The following LPAR2 variants were observed in gnomAD, a reference collection of about 807,000 sequenced individuals.
The protein encoded by LPAR2 is lysophosphatidic acid receptor 2.
In LPAR2, 10 loss-of-function variants were observed where a neutral mutation model predicts 15.6. That is an observed-to-expected ratio of 0.64 (90% CI 0.39 to 1.09). The LOEUF (loss-of-function observed/expected upper bound fraction) is 1.09, where lower values mean the gene tolerates loss of function less well. Ranked by LOEUF, LPAR2 falls within the 50% of genes least tolerant of loss-of-function variation. LPAR2 has a pLI of 0.01. For missense variants in LPAR2, 413 were observed against 484.6 expected (o/e 0.85, Z 1.39); for synonymous variants, 204 against 207.4 (o/e 0.98, Z 0.14).
Position 19,626,621 on chromosome 19 carries a change from T to A in LPAR2, c.664A>T (p.Met222Leu), listed in dbSNP as rs2061741217. 1 of 1,613,286 alleles carries A rather than the reference T, an allele frequency of 6.2e-7. No individual in the cohort carries two copies. Among genetic ancestry groups the A allele is most frequent in the African/African-American group, 1.3e-5 (1 of 75,040 alleles). Residue 222 changes from methionine (M) to leucine (L), a missense_variant, in exon 2 of 3, where the codon ATG becomes TTG. By Grantham distance (15) the Met-to-Leu change is conservative (BLOSUM62 2). Coordinates refer to ENST00000407877, the MANE Select transcript of LPAR2 (RefSeq NM_004720.7). The surrounding 1 kb of genome is among the most constrained non-coding windows in gnomAD (Gnocchi z 5.3). Reference sequence around the variant, plus strand: ...GGGTGGCAGCTGACATGCTCTGCCATGCGCTGCACTCGCCGCCGCACGTAG... The same window carrying A: ...GGGTGGCAGCTGACATGCTCTGCCAAGCGCTGCACTCGCCGCCGCACGTAG...
chr19:19,627,449 T>C lies in LPAR2; in HGVS notation c.1-165A>G. On this transcript the variant is annotated intron_variant, in intron 1 of 2. Transcript: ENST00000407877. The surrounding 1 kb of genome is among the most constrained non-coding windows in gnomAD (Gnocchi z 4.7). ...CTACGGTGGCCTGGAAAAAGCAAGC[T>C]CCATGGGGCTGGGGTGGAGGTGGAG... 1 of 651,154 alleles carries C rather than the reference T, an allele frequency of 1.5e-6. No homozygotes were observed. The highest frequency in any genetic ancestry group is 2.6e-5 in the East Asian group (1 of 38,264). 40.3% of individuals were successfully genotyped at this position (651,154 alleles called of 1,614,324 possible).
rs757361294 is a variant in LPAR2, at chr19:19,627,402, A to G, written c.1-118T>C. 4.0e-5 allele frequency: 42 copies of G among 1,058,270 alleles called. No homozygotes were observed. Among genetic ancestry groups the G allele is most frequent in the Non-Finnish European group, 5.6e-5 (41 of 726,804 alleles). 65.6% of individuals were successfully genotyped at this position (1,058,270 alleles called of 1,614,324 possible). On this transcript the variant is annotated intron_variant, in intron 1 of 2. Coordinates refer to ENST00000407877, the MANE Select transcript of LPAR2 (RefSeq NM_004720.7). This position sits in a 1 kb window ranked among gnomAD's most constrained non-coding sequence, Gnocchi z 4.7. ...AGGGTCTCAAATTCAGATACCTCGA[A>G]GCAAAGTGGCAGTGGTGAGGACTAC...
chr19:19,624,177 G>A lies in LPAR2; in HGVS notation c.*79C>T. The A allele has an allele frequency of 2.1e-6, 3 of 1,411,688 alleles. No homozygotes were observed. Among genetic ancestry groups the A allele is most frequent in the Non-Finnish European group, 2.9e-6 (3 of 1,026,800 alleles). 87.4% of individuals were successfully genotyped at this position (1,411,688 alleles called of 1,614,324 possible). A position where few individuals can be genotyped will look rare whatever the true frequency, so the allele number is the denominator to read the frequency against. ...TGCCAGTCAGTCAGTCCTGTTGGTT[G>A]GGTTGAGCCAGGAGCACCCACAAGT... On this transcript the variant is annotated 3_prime_UTR_variant, in exon 3 of 3. Transcript: ENST00000407877.
chr19:19,626,498 TA>T lies in LPAR2; in HGVS notation c.742+44del, dbSNP rs771314858. ...TTGCTTCGCAGTGTCTTGTGGGAGA[TA>T]GGGGGAAGCAGGGTCCCTGTTGCCC... is the stretch of plus-strand genomic sequence containing the variant. On this transcript the variant is annotated intron_variant, in intron 2 of 2. Transcript: ENST00000407877. This position sits in a 1 kb window ranked among gnomAD's most constrained non-coding sequence, Gnocchi z 5.3. The T allele has an allele frequency of 3.6e-4, 555 of 1,544,990 alleles. No individual in the cohort carries two copies. Among genetic ancestry groups the T allele is most frequent in the Non-Finnish European group, 4.3e-4 (496 of 1,146,202 alleles).
rs766490107 is a variant in LPAR2, at chr19:19,627,027, G to C, written c.258C>G (p.Leu86=). 6.2e-7 allele frequency: 1 copy of C among 1,613,884 alleles called. No homozygotes were observed. The highest frequency in any genetic ancestry group is 1.7e-5 in the Admixed American group (1 of 60,026). The change falls in exon 2 of 3, where the codon CTC becomes CTG. Residue 86 remains leucine (L), a synonymous_variant. Coordinates refer to ENST00000407877, the MANE Select transcript of LPAR2 (RefSeq NM_004720.7). The surrounding 1 kb of genome is among the most constrained non-coding windows in gnomAD (Gnocchi z 4.7). ...GGGGACCAGTGTGGAACATGAGGAAGAGGTAGGCCACGCCCGCGAAGAGGT... is the reference window on the plus strand; with the variant it reads ...GGGGACCAGTGTGGAACATGAGGAACAGGTAGGCCACGCCCGCGAAGAGGT...
rs371867131 is a variant in LPAR2 at position 19,624,420 on chromosome 19, G to A, written c.892C>T (p.Arg298Ter). ...AAGGTGCGGCGCATCTCAGCATCTCGGCAAGAGTACACAGCAGCATTGACC... is the reference window on the plus strand; with the variant it reads ...AAGGTGCGGCGCATCTCAGCATCTCAGCAAGAGTACACAGCAGCATTGACC... The change falls in exon 3 of 3, where the codon CGA becomes TGA. Residue 298 changes from arginine (R) to a stop codon, truncating the protein, a stop_gained. Transcript: ENST00000407877. LOFTEE classifies it low-confidence loss of function (END_TRUNC). 7.4e-6 allele frequency: 12 copies of A among 1,614,034 alleles called. No homozygotes were observed. Among genetic ancestry groups the A allele is most frequent in the Non-Finnish European group, 1.0e-5 (12 of 1,180,042 alleles).
At position 19,626,490 on chromosome 19, in the gene LPAR2, G is replaced by C; in HGVS notation, c.742+53C>G. ...TTTGTTCATTGCTTCGCAGTGTCTTGTGGGAGATAGGGGGAAGCAGGGTCC... is the reference window on the plus strand; with the variant it reads ...TTTGTTCATTGCTTCGCAGTGTCTTCTGGGAGATAGGGGGAAGCAGGGTCC... On this transcript the variant is annotated intron_variant, in intron 2 of 2. Transcript: ENST00000407877. This position sits in a 1 kb window ranked among gnomAD's most constrained non-coding sequence, Gnocchi z 5.3. The C allele has an allele frequency of 6.5e-7, 1 of 1,539,340 alleles. No individual in the cohort carries two copies. The highest frequency in any genetic ancestry group is 8.7e-7 in the Non-Finnish European group (1 of 1,143,590).
Position 19,627,536 on chromosome 19 carries a change from T to G in LPAR2, c.1-252A>C. ...GCAAGACATCACCCAAGTCAATAGG[T>G]TTTTGAACCAGAAGTGAAACAAAAC... On this transcript the variant is annotated intron_variant, in intron 1 of 2. Transcript: ENST00000407877. This position sits in a 1 kb window ranked among gnomAD's most constrained non-coding sequence, Gnocchi z 4.7. The G allele has an allele frequency of 2.0e-6, 1 of 488,140 alleles. No individual in the cohort carries two copies. Among genetic ancestry groups the G allele is most frequent in the Non-Finnish European group, 3.7e-6 (1 of 270,976 alleles). 30.2% of individuals were successfully genotyped at this position (488,140 alleles called of 1,614,324 possible). A position where few individuals can be genotyped will look rare whatever the true frequency, so the allele number is the denominator to read the frequency against.
chr19:19,626,434 A>C lies in LPAR2; in HGVS notation c.742+109T>G. 3 of 1,352,972 alleles carry C rather than the reference A, an allele frequency of 2.2e-6. No individual in the cohort carries two copies. Among genetic ancestry groups the C allele is most frequent in the Non-Finnish European group, 1.0e-6 (1 of 986,382 alleles). The allele number at this position is 1,352,972 out of a possible 1,614,324, so 83.8% of individuals were successfully genotyped here. On this transcript the variant is annotated intron_variant, in intron 2 of 2. Coordinates refer to ENST00000407877, the MANE Select transcript of LPAR2 (RefSeq NM_004720.7). The surrounding 1 kb of genome is among the most constrained non-coding windows in gnomAD (Gnocchi z 5.3). The stretch of plus-strand genomic sequence containing the variant: ...TTGGAGGACATTCCCCACCTAAATC[A>C]TCCCCCATCACCCTCTATCAGGTAG...
At position 19,624,460 on chromosome 19, in the gene LPAR2, G is replaced by T. The variant is rs201961216; in HGVS notation, c.852C>A (p.Ala284=). 1 of 1,613,990 alleles carries T rather than the reference G, an allele frequency of 6.2e-7. No individual in the cohort carries two copies. The highest frequency in any genetic ancestry group is 1.3e-5 in the African/African-American group (1 of 74,926). The change falls in exon 3 of 3, where the codon GCC becomes GCA. Residue 284 remains alanine, a synonymous_variant. Transcript: ENST00000407877. The stretch of plus-strand genomic sequence containing the variant: ...CAGCATTGACCAGGGAGTTGGCCTC[G>T]GCCAACAGTAGGAAGTACTTTTCTA...
Position 19,627,057 on chromosome 19 carries a change from C to T in LPAR2, c.228G>A (p.Ala76=), listed in dbSNP as rs148440416. 2.5e-6 allele frequency: 4 copies of T among 1,613,568 alleles called. No homozygotes were observed. Among genetic ancestry groups the T allele is most frequent in the East Asian group, 2.2e-5 (1 of 44,882 alleles). ...AGGCCACGCCCGCGAAGAGGTCAGC[C>T]GCGGCCAGATTGCCGAGCAGGTAGT... is the stretch of plus-strand genomic sequence containing the variant. The change falls in exon 2 of 3, where the codon GCG becomes GCA. Residue 76 remains alanine (A), a synonymous_variant. Transcript: ENST00000407877. This position sits in a 1 kb window ranked among gnomAD's most constrained non-coding sequence, Gnocchi z 4.7.
In LPAR2 at chr19:19,627,317, T is replaced by C; in HGVS notation, c.1-33A>G. 1 of 1,575,212 alleles carries C rather than the reference T, an allele frequency of 6.3e-7. No homozygotes were observed. On this transcript the variant is annotated intron_variant, in intron 1 of 2. Transcript: ENST00000407877. This position sits in a 1 kb window ranked among gnomAD's most constrained non-coding sequence, Gnocchi z 4.7. The stretch of plus-strand genomic sequence containing the variant: ...CACAAGAGATCAGTGCATGTGGCAC[T>C]TCTTGGAAGGACACAGGGAGGGGCG...
At chr19:19,625,931 T>TG (rs1331096650) in intron 2 of LPAR2, among the ~76,000 whole-genome samples, 1 of 147,554 alleles carries the variant, frequency 6.8e-6, no homozygotes, top group Admixed American at 6.8e-5. Flanking sequence ...TTGCCCAGGC[T>TG]GGAGTGCAAT....
chr19:19,625,227 G>A (rs1568405751), intron 2 of LPAR2, among the ~76,000 whole-genome samples: 1 of 152,046 alleles, frequency 6.6e-6, no homozygotes, highest in African/African-American at 2.4e-5. Flanking sequence ...TGCAGCATTT[G>A]ACAGGCTGAG....
chr19:19,624,466 C>T lies in LPAR2; in HGVS notation c.846G>A (p.Leu282=), dbSNP rs771792512. 10 of 1,614,008 alleles carry T rather than the reference C, an allele frequency of 6.2e-6. No homozygotes were observed. The Admixed American group carries it at 1.7e-4, about 27-fold the overall frequency. ...TGACCAGGGAGTTGGCCTCGGCCAACAGTAGGAAGTACTTTTCTACAGCCA... is the reference window on the plus strand; with the variant it reads ...TGACCAGGGAGTTGGCCTCGGCCAATAGTAGGAAGTACTTTTCTACAGCCA... Residue 282 remains leucine (L), a synonymous_variant, in exon 3 of 3, where the codon CTG becomes CTA. Coordinates refer to ENST00000407877, the MANE Select transcript of LPAR2 (RefSeq NM_004720.7).
Position 19,626,752 on chromosome 19 carries a change from C to T in LPAR2, c.533G>A (p.Cys178Tyr). 1 of 1,612,410 alleles carries T rather than the reference C, an allele frequency of 6.2e-7. No homozygotes were observed. Among genetic ancestry groups the T allele is most frequent in the Non-Finnish European group, 8.5e-7 (1 of 1,179,520 alleles). The change falls in exon 2 of 3, where the codon TGC becomes TAC. Residue 178 changes from cysteine to tyrosine, a missense_variant. Transcript: ENST00000407877. This position sits in a 1 kb window ranked among gnomAD's most constrained non-coding sequence, Gnocchi z 5.3. Reference sequence around the variant, plus strand: ...GCTGAGCAGGGGTGCCATGCGTGAGCAGCGGTCCAGGGCACAGAGGCAGTG... The same window carrying T: ...GCTGAGCAGGGGTGCCATGCGTGAGTAGCGGTCCAGGGCACAGAGGCAGTG...
intron 2 of LPAR2, among the ~76,000 whole-genome samples, chr19:19,625,396 A>G (rs2144815387): frequency 6.6e-6 from 1 of 152,172 alleles, no homozygotes; most frequent in Non-Finnish European, 1.5e-5. Context: ...TGAGCCCGGA[A>G]GGTTGAGGCT....
rs200604010 is a variant in LPAR2, at chr19:19,624,363, G to A, written c.949C>T (p.Gln317Ter). ...TAGTGGACAGACTCGCGGGTGGACT[G>A]GCGGAGGCACGCGCAGCAGAGAAGG... is the stretch of plus-strand genomic sequence containing the variant. The change falls in exon 3 of 3, where the codon CAG (glutamine) becomes TAG (stop). Residue 317 changes from glutamine to a stop codon, truncating the protein, a stop_gained. Coordinates refer to ENST00000407877, the MANE Select transcript of LPAR2 (RefSeq NM_004720.7). LOFTEE classifies it low-confidence loss of function (END_TRUNC). 8 of 1,614,228 alleles carry A rather than the reference G, an allele frequency of 5.0e-6. No homozygotes were observed. In the East Asian group the frequency reaches 1.8e-4, roughly 36 times the overall value.
Position 19,623,867 on chromosome 19 carries a change from C to A in LPAR2, c.*389G>T, listed in dbSNP as rs2061726819. The A allele has an allele frequency of 4.9e-6, 1 of 204,502 alleles. No homozygotes were observed. The allele number at this position is 204,502 out of a possible 1,614,324, so 12.7% of individuals were successfully genotyped here. ...CCACAGTCTGTCCTCATTACCCAGT[C>A]ATACCGGGTAGCATGGCCCGAGAGA... On this transcript the variant is annotated 3_prime_UTR_variant, in exon 3 of 3. Transcript: ENST00000407877.
Sources: allele counts gnomAD v4.1 joint callset (sites outside exome capture counted in the v4.1 genomes callset), GRCh38; gene constraint gnomAD v4.1.1; non-coding constraint Gnocchi (gnomAD v3.1); transcripts MANE v1.5; gene names NCBI Gene and HGNC (gene_info 2026-07-23, HGNC 2026-07-21).